The following CLEC2D variants were observed in gnomAD, a reference collection of about 807,000 sequenced individuals.
CLEC2D encodes the protein C-type lectin domain family 2 member D, also known as C-type lectin related f.
In CLEC2D, 16 loss-of-function variants were observed where a neutral mutation model predicts 20.0. The observed-to-expected ratio is 0.80, with a 90% CI of 0.54 to 1.22. The LOEUF is 1.22. CLEC2D is among the 50% of genes most tolerant of loss of function. CLEC2D has a pLI of 0.00. For synonymous variants in CLEC2D, 77 were observed against 71.1 expected (o/e 1.08, Z -0.42); for missense variants, 207 against 221.5 (o/e 0.93, Z 0.42).
At chr12:9,688,148 A>G in intron 3 of CLEC2D, 62 bp downstream of exon 3, 2 of 1,423,870 alleles carry the variant, frequency 1.4e-6, no homozygotes, top group Non-Finnish European at 1.8e-6. Context: ...TTTTCCTGTG[A>G]AATTATCTAA....
intron 1 of CLEC2D, among the ~76,000 whole-genome samples, chr12:9,671,700 C>G (rs1865428980): frequency 1.3e-5 from 2 of 152,156 alleles, no homozygotes; most frequent in Admixed American, 6.5e-5. Context: ...TCAGACCATA[C>G]CTCTAGTGCT....
rs377537640 is a variant in CLEC2D at position 9,692,517 on chromosome 12, C to T, written c.358-311C>T. Among the ~76,000 whole-genome samples, 3 of 152,210 alleles carry T rather than the reference C, an allele frequency of 2.0e-5. No homozygotes were observed. The East Asian group carries it at 5.8e-4, about 29-fold the overall frequency. On this transcript the variant is annotated intron_variant, in intron 3 of 4. Transcript: ENST00000290855. Reference sequence around the variant, plus strand: ...ACAGGTGCCAAGAATGTCATAGTAGCATACATTCCAAACTTGATAAAACCC... The same window carrying T: ...ACAGGTGCCAAGAATGTCATAGTAGTATACATTCCAAACTTGATAAAACCC...
rs908217290 is a variant in CLEC2D at position 9,697,731 on chromosome 12, C to T, written c.*2857C>T. The T allele has an allele frequency of 1.3e-5, 2 of 150,436 alleles. No homozygotes were observed. Among genetic ancestry groups the T allele is most frequent in the Non-Finnish European group, 3.0e-5 (2 of 67,566 alleles). 9.3% of individuals were successfully genotyped at this position (150,436 alleles called of 1,614,324 possible). A position where few individuals can be genotyped will look rare whatever the true frequency, so the allele number is the denominator to read the frequency against. ...TTATAGTGAAACTTAAAAAAAAAAC[C>T]CAAATACATAGAAATAGAGTAGAAT... On this transcript the variant is annotated 3_prime_UTR_variant, in exon 5 of 5. Transcript: ENST00000290855.
Position 9,694,809 on chromosome 12 carries a change from G to C in CLEC2D, c.511G>C (p.Ala171Pro). 1 of 1,613,040 alleles carries C rather than the reference G, an allele frequency of 6.2e-7. No homozygotes were observed. Among genetic ancestry groups the C allele is most frequent in the South Asian group, 1.1e-5 (1 of 91,060 alleles). Residue 171 changes from alanine (A) to proline (P), a missense_variant, in exon 5 of 5, where the codon GCC (alanine) becomes CCC (proline). Ala to Pro is a conservative substitution (Grantham distance 27, BLOSUM62 -1). Transcript: ENST00000290855. ...GECAYLNDKG[A>P]SSARHYTERK... ...GTGTGCCTATTTGAATGACAAAGGT[G>C]CCAGTAGTGCCAGGCACTACACAGA...
chr12:9,681,025 C>T lies in CLEC2D; in HGVS notation c.164C>T (p.Ala55Val), dbSNP rs759527695. ...LTIIVCGMVA[A>V]LSAIRANCHQ... ...ATCATAGTGTGTGGAATGGTTGCTG[C>T]TTTAAGCGGTAAGTGAACTGTAATC... The change falls in exon 2 of 5, where the codon GCT becomes GTT. Residue 55 changes from alanine to valine, a missense_variant. Coordinates refer to ENST00000290855, the MANE Select transcript of CLEC2D (RefSeq NM_013269.6). 2.0e-6 allele frequency: 3 copies of T among 1,527,956 alleles called. No homozygotes were observed. In the Admixed American group the frequency reaches 5.0e-5, roughly 26 times the overall value. 94.6% of individuals were successfully genotyped at this position (1,527,956 alleles called of 1,614,324 possible).
chr12:9,688,416 T>C (rs1865799478), intron 3 of CLEC2D, among the ~76,000 whole-genome samples: 1 of 152,164 alleles, frequency 6.6e-6, no homozygotes. Context: ...AGCAACATTG[T>C]TTCAAAATAA....
At chr12:9,672,614 C>T (rs771789739) in intron 1 of CLEC2D, among the ~76,000 whole-genome samples, 1 of 152,224 alleles carries the variant, frequency 6.6e-6, no homozygotes, top group African/African-American at 2.4e-5. Context: ...GCCTGTCTTG[C>T]TAGGTTGGGG....
At chr12:9,672,080 A>C (rs1296597929) in intron 1 of CLEC2D, among the ~76,000 whole-genome samples, 4 of 152,142 alleles carry the variant, frequency 2.6e-5, no homozygotes, top group Non-Finnish European at 5.9e-5. Flanking sequence ...CTATTGGCTC[A>C]TAGTTCTGGA....
At chr12:9,685,445 C>G (rs982494861) in intron 2 of CLEC2D, among the ~76,000 whole-genome samples, 1 of 152,252 alleles carries the variant, frequency 6.6e-6, no homozygotes, top group South Asian at 2.1e-4. Flanking sequence ...CCACAGCCAC[C>G]CTTTCCCCCA....
rs968167688 is a variant in CLEC2D, at chr12:9,698,074, T to C, written c.*3200T>C. On this transcript the variant is annotated 3_prime_UTR_variant, in exon 5 of 5. Transcript: ENST00000290855. ...GATAAATTTCTATCTGCAGTTGCTA[T>C]TTGCATTTTTAAAGGATATTTTTAT... 1.3e-5 allele frequency: 2 copies of C among 152,138 alleles called. No individual in the cohort carries two copies. Among genetic ancestry groups the C allele is most frequent in the African/African-American group, 4.8e-5 (2 of 41,406 alleles). 9.4% of individuals were successfully genotyped at this position (152,138 alleles called of 1,614,324 possible).
At chr12:9,684,818 C>T (rs781320328) in intron 2 of CLEC2D, among the ~76,000 whole-genome samples, 22 of 152,126 alleles carry the variant, frequency 1.4e-4, no homozygotes, top group Non-Finnish European at 2.6e-4. Flanking sequence ...TGATGTTCAT[C>T]AGGAATATTG....
At chr12:9,691,968 T>G (rs1329411029) in intron 3 of CLEC2D, among the ~76,000 whole-genome samples, 6 of 152,194 alleles carry the variant, frequency 3.9e-5, no homozygotes, top group African/African-American at 1.4e-4. Context: ...GCGTTAAAAT[T>G]CAGAACTTGT....
chr12:9,681,154 A>G, intron 2 of CLEC2D, 121 bp downstream of exon 2: 3 of 585,336 alleles, frequency 5.1e-6, no homozygotes, highest in South Asian at 5.4e-5. Flanking sequence ...TAACTGAGTT[A>G]CACTCCAATA....
intron 1 of CLEC2D, among the ~76,000 whole-genome samples, chr12:9,680,570 C>T (rs999686504): frequency 1.3e-5 from 2 of 152,138 alleles, no homozygotes; most frequent in Non-Finnish European, 2.9e-5. Context: ...CTCTTAATAT[C>T]ATTTAAAAAT....
Position 9,695,392 on chromosome 12 carries a change from T to G in CLEC2D, c.*518T>G. On this transcript the variant is annotated 3_prime_UTR_variant, in exon 5 of 5. Transcript: ENST00000290855. Reference sequence around the variant, plus strand: ...GTGTGTGTCGCCACCCGATGGAAGATTCGATGGACATGGACATGAGCCCCC... The same window carrying G: ...GTGTGTGTCGCCACCCGATGGAAGAGTCGATGGACATGGACATGAGCCCCC... 1 of 1,476,386 alleles carries G rather than the reference T, an allele frequency of 6.8e-7. No individual in the cohort carries two copies. The highest frequency in any genetic ancestry group is 1.1e-5 in the South Asian group (1 of 88,866). The allele number at this position is 1,476,386 out of a possible 1,614,324, so 91.5% of individuals were successfully genotyped here.
rs1303880654 is a variant in CLEC2D at position 9,695,454 on chromosome 12, A to G, written c.*580A>G. 7.4e-7 allele frequency: 1 copy of G among 1,344,154 alleles called. No individual in the cohort carries two copies. Among genetic ancestry groups the G allele is most frequent in the African/African-American group, 1.5e-5 (1 of 68,278 alleles). The allele number at this position is 1,344,154 out of a possible 1,614,324, so 83.3% of individuals were successfully genotyped here. The stretch of plus-strand genomic sequence containing the variant: ...AACTATCTTTTCAGTTGTGAACTAA[A>G]GGCCGACAAAGATGATCACTTTAAG... On this transcript the variant is annotated 3_prime_UTR_variant, in exon 5 of 5. Coordinates refer to ENST00000290855, the MANE Select transcript of CLEC2D (RefSeq NM_013269.6).
chr12:9,679,833 T>G (rs1295811625), intron 1 of CLEC2D, among the ~76,000 whole-genome samples: 28 of 152,182 alleles, frequency 1.8e-4, no homozygotes, highest in Admixed American at 1.8e-3. Flanking sequence ...GAGGTGTGAA[T>G]TGTATGCAAG....
At chr12:9,693,164 T>G (rs929510713) in intron 4 of CLEC2D, 1 of 1,280,140 alleles carries the variant, frequency 7.8e-7, no homozygotes, top group Non-Finnish European at 1.1e-6. Context: ...CTATGTCATT[T>G]TCAAACACTT....
chr12:9,677,746 A>G (rs774976327), intron 1 of CLEC2D, among the ~76,000 whole-genome samples: 2 of 138,790 alleles, frequency 1.4e-5, no homozygotes, highest in East Asian at 4.1e-4. Flanking sequence ...TGTTTTTGAG[A>G]CAGAGTCTCG....
Sources: gnomAD v4.1 joint callset for allele counts (sites outside exome capture counted in the v4.1 genomes callset) on GRCh38, gnomAD v4.1.1 for gene constraint, MANE v1.5 for transcripts, NCBI Gene and HGNC (gene_info 2026-07-23, HGNC 2026-07-21) for gene names.